LIG1: variants seen among roughly 807,000 people sequenced by gnomAD.
The protein encoded by LIG1 is ligase I, DNA, ATP-dependent.
In LIG1, 70 loss-of-function variants were observed where a neutral mutation model predicts 115.7. The observed-to-expected ratio is 0.60, with a 90% CI of 0.50 to 0.74. The LOEUF is 0.74. LIG1 is among the 30% of genes least tolerant of loss of function. LIG1 has a pLI of 0.00. For missense variants in LIG1, 1,115 were observed against 1,225.6 expected (o/e 0.91, Z 1.35); for synonymous variants, 487 against 495.3 (o/e 0.98, Z 0.22).
At position 48,140,081 on chromosome 19, in the gene LIG1, T is replaced by A; in HGVS notation, c.977A>T (p.Asp326Val). 2.5e-6 allele frequency: 4 copies of A among 1,613,610 alleles called. No individual in the cohort carries two copies. Among genetic ancestry groups the A allele is most frequent in the Non-Finnish European group, 3.4e-6 (4 of 1,179,962 alleles). Reference protein sequence around the residue: ...LRSVVALSPPDLLPVLYLSLN... With the variant: ...LRSVVALSPPVLLPVLYLSLN... ...GCTGAGGTAGAGGACAGGGAGGAGG[T>A]CTGGAGGCGACAGGGCCACCACGGA... The change falls in exon 12 of 28, where the codon GAC becomes GTC. Residue 326 changes from aspartate to valine, a missense_variant. By Grantham distance (152) the Asp-to-Val change is radical. Transcript: ENST00000263274.
At chr19:48,119,275 T>C (rs55642157) in intron 24 of LIG1, 85 bp from the exon 25 acceptor site, 2 of 1,077,796 alleles carry the variant, frequency 1.9e-6, no homozygotes, top group South Asian at 1.3e-5. Flanking sequence ...TGTACACTCA[T>C]GGCCCCCACC....
intron 12 of LIG1, among the ~76,000 whole-genome samples, chr19:48,139,570 C>T (rs1202514421): frequency 6.6e-6 from 1 of 152,160 alleles, no homozygotes; most frequent in Non-Finnish European, 1.5e-5. Flanking sequence ...GCGGCTGGGC[C>T]CCTTCAGGCT....
intron 16 of LIG1, 137 bp from the exon 17 acceptor site, chr19:48,134,203 C>A: frequency 1.4e-6 from 1 of 710,726 alleles, no homozygotes; most frequent in Non-Finnish European, 2.5e-6. Context: ...CCAAGCTCCT[C>A]TTGCCACCCT....
intron 26 of LIG1, 39 bp downstream of exon 26, chr19:48,117,599 A>G (rs905351795): frequency 1.2e-6 from 2 of 1,606,994 alleles, no homozygotes. Flanking sequence ...CCCGCCCAGA[A>G]TCCCACACAG....
intron 4 of LIG1, among the ~76,000 whole-genome samples, chr19:48,159,292 G>A (rs753453619): frequency 1.9e-4 from 29 of 152,108 alleles, no homozygotes; most frequent in Non-Finnish European, 3.1e-4. Flanking sequence ...GGCTGCTCTC[G>A]AACTTCTGAC....
At chr19:48,124,590 G>A (rs772442244) in intron 21 of LIG1, among the ~76,000 whole-genome samples, 8 of 152,204 alleles carry the variant, frequency 5.3e-5, no homozygotes, top group East Asian at 1.9e-4. Context: ...AGAAAAGAGT[G>A]TAAAATTCCA....
chr19:48,115,685 G>A lies in LIG1; in HGVS notation c.2724C>T (p.Gly908=), dbSNP rs777120650. The A allele has an allele frequency of 5.6e-6, 9 of 1,614,086 alleles. No homozygotes were observed. Among genetic ancestry groups the A allele is most frequent in the East Asian group, 2.2e-5 (1 of 44,888 alleles). The change falls in exon 28 of 28, where the codon GGC becomes GGT. Residue 908 remains glycine, a synonymous_variant. Coordinates refer to ENST00000263274, the MANE Select transcript of LIG1 (RefSeq NM_000234.3). ...RKQSQIQNQQ[G]EDSGSDPEDT... is the part of the protein sequence containing the mutation. ...CTTCAGGGTCAGAGCCTGAGTCCTC[G>A]CCTTGTTGGTTCTGAATCTGACTTT...
chr19:48,161,988 CGTGGCCA>C (rs3730856), intron 3 of LIG1, among the ~76,000 whole-genome samples: 16 of 151,986 alleles, frequency 1.1e-4, no homozygotes, highest in African/African-American at 2.9e-4. Flanking sequence ...AGCATCAAGA[CGTGGCCA>C]GTGGCCAGCG....
intron 18 of LIG1, among the ~76,000 whole-genome samples, chr19:48,131,934 C>CTTTTT (rs34833018): frequency 7.6e-6 from 1 of 131,878 alleles, no homozygotes; most frequent in Non-Finnish European, 1.6e-5. Context: ...TGGATCCACC[C>CTTTTT]TTTTTTTTTT....
intron 6 of LIG1, among the ~76,000 whole-genome samples, chr19:48,151,950 C>T (rs1161622841): frequency 1.3e-5 from 2 of 150,670 alleles, no homozygotes; most frequent in African/African-American, 5.0e-5. Context: ...TAAAAATCTT[C>T]AAAGTTAAAA....
At chr19:48,161,188 C>A in intron 4 of LIG1, 184 bp downstream of exon 4, 1 of 781,994 alleles carries the variant, frequency 1.3e-6, no homozygotes, top group Non-Finnish European at 2.2e-6. Context: ...AGGAGCCCAC[C>A]CGAGGTCCTA....
At chr19:48,157,962 T>G (rs1599866455) in intron 4 of LIG1, among the ~76,000 whole-genome samples, 1 of 152,188 alleles carries the variant, frequency 6.6e-6, no homozygotes, top group Non-Finnish European at 1.5e-5. Flanking sequence ...AGATCCCTCA[T>G]GAATGGCTTG....
At chr19:48,123,104 T>C (rs1159836490) in intron 22 of LIG1, 70 bp downstream of exon 22, 2 of 1,612,126 alleles carry the variant, frequency 1.2e-6, no homozygotes, top group East Asian at 4.5e-5. Flanking sequence ...GGTCCAGGAC[T>C]GGGGACAGGC....
intron 17 of LIG1, 94 bp from the exon 18 acceptor site, chr19:48,133,191 T>C (rs2034156841): frequency 1.2e-6 from 1 of 850,612 alleles, no homozygotes; most frequent in South Asian, 1.4e-5. Context: ...CCCAGGACCA[T>C]TCTGCTTTCT....
chr19:48,120,164 T>C, intron 24 of LIG1: 3 of 985,110 alleles, frequency 3.0e-6, no homozygotes, highest in Non-Finnish European at 3.6e-6. Flanking sequence ...GTAATCACAT[T>C]ACCCATCAGA....
At chr19:48,116,447 C>CAAAA (rs57648628) in intron 26 of LIG1, among the ~76,000 whole-genome samples, 1 of 98,384 alleles carries the variant, frequency 1.0e-5, no homozygotes, top group Non-Finnish European at 2.1e-5. Context: ...GACTCCAACT[C>CAAAA]AAAAAAAAAA....
At position 48,150,095 on chromosome 19, in the gene LIG1, G is replaced by A; in HGVS notation, c.690C>T (p.Ser230=). ...PPRRAPKTLS[S]FFTPRKPAVK... ...TGAGCAAGGGAAACTCACTGAAGAA[G>A]CTGCTGAGCGTCTTGGGAGCTCTGC... is the stretch of plus-strand genomic sequence containing the variant. The change falls in exon 8 of 28, where the codon AGC becomes AGT. Residue 230 remains serine, a synonymous_variant. Coordinates refer to ENST00000263274, the MANE Select transcript of LIG1 (RefSeq NM_000234.3). The A allele has an allele frequency of 6.2e-7, 1 of 1,614,190 alleles. No homozygotes were observed. The highest frequency in any genetic ancestry group is 8.5e-7 in the Non-Finnish European group (1 of 1,180,034).
At chr19:48,155,742 C>A (rs2035791667) in intron 5 of LIG1, among the ~76,000 whole-genome samples, 1 of 151,294 alleles carries the variant, frequency 6.6e-6, no homozygotes, top group Non-Finnish European at 1.5e-5. Context: ...CTTCAAAATC[C>A]AATGAACTCA....
Position 48,165,867 on chromosome 19 carries a change from A to G in LIG1, c.-57-244T>C, listed in dbSNP as rs1158530611. On this transcript the variant is annotated intron_variant, in intron 1 of 27. Transcript: ENST00000263274. ...CTTTACCATAAGAAGACTGTTTTTC[A>G]TCTAATATGAGGAATAGACTGAGGA... The G allele has an allele frequency of 1.2e-5, 6 of 515,330 alleles. No individual in the cohort carries two copies. In the East Asian group the frequency reaches 1.8e-4, roughly 16 times the overall value. The allele number at this position is 515,330 out of a possible 1,614,324, so 31.9% of individuals were successfully genotyped here. A position where few individuals can be genotyped will look rare whatever the true frequency, so the allele number is the denominator to read the frequency against.
Sources: allele counts gnomAD v4.1 joint callset (sites outside exome capture counted in the v4.1 genomes callset), GRCh38; gene constraint gnomAD v4.1.1; transcripts MANE v1.5; gene names NCBI Gene and HGNC (gene_info 2026-07-23, HGNC 2026-07-21).